Variants in ADA2 observed in about 807,000 individuals in gnomAD.
ADA2 encodes the protein adenosine deaminase CECR1.
ADA2 carries 29 observed loss-of-function variants against 44.2 expected under a neutral mutation model. The ratio of observed to expected loss-of-function variants is 0.66; its 90% CI spans 0.49 to 0.89. The LOEUF (loss-of-function observed/expected upper bound fraction) is 0.89, where lower values mean the gene tolerates loss of function less well. Among genes scored for constraint, ADA2 ranks in the 40% least tolerant of loss-of-function variants. ADA2 has a pLI of 0.00. For synonymous variants in ADA2, 215 were observed against 234.9 expected (o/e 0.92, Z 0.77); for missense variants, 637 against 644.8 (o/e 0.99, Z 0.13).
chr22:17,184,631 A>G lies in ADA2; in HGVS notation c.1082-1870T>C, dbSNP rs2062014562. On this transcript the variant is annotated intron_variant, in intron 7 of 9. Transcript: ENST00000399837. ...TAAGCATTCTAATGGATTCACATAT[A>G]AAATATGAACATCTGGCTGGGTGCG... Among the ~76,000 whole-genome samples, 4 of 152,188 alleles carry G rather than the reference A, an allele frequency of 2.6e-5. No individual in the cohort carries two copies. In the South Asian group the frequency reaches 8.3e-4, roughly 32 times the overall value.
At chr22:17,201,954 T>C (rs1314811118) in intron 4 of ADA2, among the ~76,000 whole-genome samples, 4 of 137,568 alleles carry the variant, frequency 2.9e-5, no homozygotes, top group Admixed American at 8.0e-5. Context: ...AATCAAATTT[T>C]TTTTTCTTTT....
chr22:17,219,819 C>T (rs764197279), upstream of ADA2, among the ~76,000 whole-genome samples: 18 of 151,828 alleles, frequency 1.2e-4, no homozygotes, highest in East Asian at 3.9e-4. Context: ...GGATTGCAGG[C>T]GTGCGCCACC....
intron 7 of ADA2, among the ~76,000 whole-genome samples, chr22:17,183,461 T>A: frequency 1.4e-5 from 2 of 143,234 alleles, no homozygotes; most frequent in Admixed American, 6.9e-5. Context: ...GCACTCTTTT[T>A]TTTTTTTTTT....
chr22:17,209,590 T>C lies in ADA2; in HGVS notation c.88A>G (p.Ile30Val), dbSNP rs1601462414. Residue 30 changes from isoleucine (I) to valine (V), a missense_variant, in exon 2 of 10, where the codon ATA becomes GTA. Physicochemically the swap from Ile to Val is conservative, Grantham distance 29. Transcript: ENST00000399837. ...AACAGATGCGCCCGTGTTTCATCTA[T>C]GGATAGAGCTGAGCCGAAGAAAGAC... ...AMSFFGSALS[I>V]DETRAHLLLK... 6.2e-7 allele frequency: 1 copy of C among 1,613,966 alleles called. No individual in the cohort carries two copies. Among genetic ancestry groups the C allele is most frequent in the African/African-American group, 1.3e-5 (1 of 74,888 alleles).
intron 7 of ADA2, among the ~76,000 whole-genome samples, chr22:17,186,564 A>T (rs1046270035): frequency 9.2e-5 from 14 of 151,588 alleles, no homozygotes; most frequent in Non-Finnish European, 1.6e-4. Flanking sequence ...CCTGGGCGAT[A>T]CAGTAAGACT....
chr22:17,190,324 C>T (rs547637645), intron 5 of ADA2, among the ~76,000 whole-genome samples: 2 of 152,234 alleles, frequency 1.3e-5, no homozygotes, highest in South Asian at 4.2e-4. Flanking sequence ...TATTTGTCTG[C>T]GTTTAGAGGA....
At chr22:17,202,028 A>G (rs1359349916) in intron 4 of ADA2, among the ~76,000 whole-genome samples, 1 of 139,076 alleles carries the variant, frequency 7.2e-6, no homozygotes, top group Non-Finnish European at 1.5e-5. Flanking sequence ...CTGAAGAGCA[A>G]TGGCGGTATC....
upstream of ADA2, chr22:17,219,602 G>A (rs1460110197): frequency 1.3e-5 from 2 of 151,864 alleles, no homozygotes; most frequent in Non-Finnish European, 2.9e-5. Flanking sequence ...GGGGGCTTGT[G>A]CGCATGTTCA....
intron 7 of ADA2, among the ~76,000 whole-genome samples, chr22:17,185,593 T>C (rs2062027262): frequency 6.6e-6 from 1 of 152,096 alleles, no homozygotes; most frequent in Non-Finnish European, 1.5e-5. Flanking sequence ...CACATAAGTA[T>C]GATTTTCCCC....
chr22:17,193,063 C>G, intron 4 of ADA2: 1 of 833,634 alleles, frequency 1.2e-6, no homozygotes, highest in Non-Finnish European at 2.0e-6. Flanking sequence ...GGCCAGATCT[C>G]GATGCCCAAC....
upstream of ADA2, among the ~76,000 whole-genome samples, chr22:17,220,211 A>G (rs1361449944): frequency 6.6e-6 from 1 of 152,010 alleles, no homozygotes; most frequent in Non-Finnish European, 1.5e-5. Context: ...TAGGGGGGAA[A>G]TCAGGGATGC....
At chr22:17,191,555 T>G in intron 5 of ADA2, 128 bp downstream of exon 5, 2 of 1,038,684 alleles carry the variant, frequency 1.9e-6, no homozygotes, top group Non-Finnish European at 2.9e-6. Flanking sequence ...ACAGCACAGC[T>G]CCTTGGCACC....
chr22:17,192,919 A>T, intron 4 of ADA2: 2 of 568,124 alleles, frequency 3.5e-6, no homozygotes, highest in South Asian at 3.0e-5. Context: ...CCACCCTCAG[A>T]CCCCTTGTGA....
At chr22:17,221,493 T>A (rs918441158), upstream of ADA2, among the ~76,000 whole-genome samples, 1 of 152,104 alleles carries the variant, frequency 6.6e-6, no homozygotes, top group Non-Finnish European at 1.5e-5. Flanking sequence ...AGGGTTTTTT[T>A]AAAGACCAGG....
At chr22:17,189,710 C>T in intron 6 of ADA2, 3 of 491,268 alleles carry the variant, frequency 6.1e-6, no homozygotes. Flanking sequence ...CTTGTTAGAA[C>T]TGGCTGTCTG....
intron 5 of ADA2, among the ~76,000 whole-genome samples, chr22:17,191,035 G>A (rs912409649): frequency 5.9e-5 from 9 of 152,238 alleles, no homozygotes; most frequent in Non-Finnish European, 1.2e-4. Flanking sequence ...TGACTCCGAG[G>A]GACCCCACTG....
rs1336492006 is a variant in ADA2 at position 17,180,841 on chromosome 22, A to T, written c.*642T>A. ...AAGAGAAATAAAGAGGAGAGAGTTA[A>T]AGAGACCAGAATAGGCCAGGCATGG... On this transcript the variant is annotated 3_prime_UTR_variant, in exon 10 of 10. Coordinates refer to ENST00000399837, the MANE Select transcript of ADA2 (RefSeq NM_001282225.2). The T allele has an allele frequency of 6.6e-6, 1 of 152,286 alleles. No homozygotes were observed. Among genetic ancestry groups the T allele is most frequent in the East Asian group, 1.9e-4 (1 of 5,198 alleles). 9.4% of individuals were successfully genotyped at this position (152,286 alleles called of 1,614,324 possible). A position where few individuals can be genotyped will look rare whatever the true frequency, so the allele number is the denominator to read the frequency against.
chr22:17,197,472 T>C (rs1222489824), intron 4 of ADA2, among the ~76,000 whole-genome samples: 1 of 152,020 alleles, frequency 6.6e-6, no homozygotes, highest in Non-Finnish European at 1.5e-5. Flanking sequence ...GGTTTTGCCA[T>C]GTTGCCTAGG....
intron 7 of ADA2, 152 bp from the exon 8 acceptor site, chr22:17,182,913 C>T (rs2061990345): frequency 3.0e-6 from 2 of 675,346 alleles, no homozygotes; most frequent in East Asian, 5.6e-5. Flanking sequence ...AACACAAATA[C>T]ACACACACAG....
Sources: gnomAD v4.1 joint callset for allele counts (sites outside exome capture counted in the v4.1 genomes callset) on GRCh38, gnomAD v4.1.1 for gene constraint, MANE v1.5 for transcripts, NCBI Gene and HGNC (gene_info 2026-07-23, HGNC 2026-07-21) for gene names.